The following DENND6A variants were observed in gnomAD, a reference collection of about 807,000 sequenced individuals.
DENND6A encodes the protein protein DENND6A.
DENND6A carries 43 observed loss-of-function variants against 95.5 expected under a neutral mutation model. The observed-to-expected ratio is 0.45, with a 90% CI of 0.35 to 0.58. The LOEUF (loss-of-function observed/expected upper bound fraction) is 0.58, where lower values mean the gene tolerates loss of function less well. Among genes scored for constraint, DENND6A ranks in the 20% least tolerant of loss-of-function variants. The pLI, the probability that DENND6A is intolerant of heterozygous loss-of-function variation, is 0.00. For synonymous variants in DENND6A, 257 were observed against 260.4 expected (o/e 0.99, Z 0.13); for missense variants, 574 against 736.0 (o/e 0.78, Z 2.55).
chr3:57,660,833 T>C lies in DENND6A; in HGVS notation c.626A>G (p.Asn209Ser). 5 of 1,592,770 alleles carry C rather than the reference T, an allele frequency of 3.1e-6. No individual in the cohort carries two copies. The highest frequency in any genetic ancestry group is 4.3e-6 in the Non-Finnish European group (5 of 1,171,984). ...TGGGGCAGGCCATCGATCAACATCATTACAAGCTGAAAAATATAATAAAAT... is the reference window on the plus strand; with the variant it reads ...TGGGGCAGGCCATCGATCAACATCACTACAAGCTGAAAAATATAATAAAAT... ...KNEPYLEAACNDVDRWPAPVP... is the reference protein window; with the variant it reads ...KNEPYLEAACSDVDRWPAPVP... The change falls in exon 7 of 20, where the codon AAT becomes AGT. Residue 209 changes from asparagine (N) to serine (S), a missense_variant. Transcript: ENST00000311128.
intron 12 of DENND6A, among the ~76,000 whole-genome samples, chr3:57,639,590 G>T (rs2070879484): frequency 6.6e-6 from 1 of 152,116 alleles, no homozygotes; most frequent in African/African-American, 2.4e-5. Flanking sequence ...AGCAACTGTT[G>T]TTCTCTGTAT....
In DENND6A at chr3:57,692,911, TCCCGCCGCCACAAGGGCCGGCGC is replaced by T. The variant is rs1559837944; in HGVS notation, c.85_107del (p.Ala29ArgfsTer7). ...CCTCTTCATCGTCCTCTGGCGCGCC[TCCCGCCGCCACAAGGGCCGGCGC>T]CTCGCGGCCCTCGGCCCCTGCCACC... On this transcript the variant is annotated frameshift_variant, in exon 1 of 20. Transcript: ENST00000311128. LOFTEE classifies it high-confidence loss of function. The T allele has an allele frequency of 6.5e-7, 1 of 1,548,022 alleles. No individual in the cohort carries two copies. Among genetic ancestry groups the T allele is most frequent in the South Asian group, 1.2e-5 (1 of 83,884 alleles).
chr3:57,678,329 G>A (rs1038921545), intron 1 of DENND6A, among the ~76,000 whole-genome samples: 32 of 152,168 alleles, frequency 2.1e-4, no homozygotes, highest in African/African-American at 7.2e-4. Flanking sequence ...TGAGAAACAC[G>A]TTCTTCAAGA....
At chr3:57,633,042 T>C (rs1189389695) in intron 15 of DENND6A, among the ~76,000 whole-genome samples, 1 of 151,996 alleles carries the variant, frequency 6.6e-6, no homozygotes, top group Non-Finnish European at 1.5e-5. Flanking sequence ...ATTTCACAGG[T>C]GAGAAAATTG....
intron 12 of DENND6A, among the ~76,000 whole-genome samples, chr3:57,636,803 G>T (rs1355614599): frequency 6.6e-6 from 1 of 152,058 alleles, no homozygotes; most frequent in African/African-American, 2.4e-5. Context: ...TGGGCATGGT[G>T]GCACACGCCT....
At chr3:57,644,846 CA>C (rs2071042914) in intron 11 of DENND6A, among the ~76,000 whole-genome samples, 1 of 137,210 alleles carries the variant, frequency 7.3e-6, no homozygotes, top group South Asian at 2.5e-4. Context: ...AAAGGAAAAA[CA>C]GGGCAATGAT....
chr3:57,676,429 G>GA (rs1358089299), intron 1 of DENND6A, among the ~76,000 whole-genome samples: 1 of 125,018 alleles, frequency 8.0e-6, no homozygotes, highest in African/African-American at 2.9e-5. Context: ...AGATGTCTTA[G>GA]AAAAAATCCT....
At chr3:57,691,669 C>CAAAAAAAAAAAAAAAA (rs71091304) in intron 1 of DENND6A, among the ~76,000 whole-genome samples, 1 of 93,596 alleles carries the variant, frequency 1.1e-5, no homozygotes, top group Non-Finnish European at 2.0e-5. Context: ...TCACCAATAC[C>CAAAAAAAAAAAAAAAA]AAAAAAAAAA....
chr3:57,680,463 C>G (rs576539352), intron 1 of DENND6A, among the ~76,000 whole-genome samples: 2 of 152,298 alleles, frequency 1.3e-5, no homozygotes, highest in East Asian at 3.9e-4. Context: ...CTCCACCATG[C>G]AAAGACACTG....
At chr3:57,691,160 A>G (rs369417524) in intron 1 of DENND6A, among the ~76,000 whole-genome samples, 1 of 152,252 alleles carries the variant, frequency 6.6e-6, no homozygotes, top group Non-Finnish European at 1.5e-5. Flanking sequence ...TAAAAACACA[A>G]TCAACTACAA....
intron 18 of DENND6A, among the ~76,000 whole-genome samples, chr3:57,630,053 G>A (rs2153411767): frequency 6.6e-6 from 1 of 152,262 alleles, no homozygotes; most frequent in Admixed American, 6.5e-5. Flanking sequence ...TGAGGTTACT[G>A]AATACAGAGC....
chr3:57,658,852 A>T lies in DENND6A; in HGVS notation c.762+266T>A, dbSNP rs138088683. Among the ~76,000 whole-genome samples, 267 of 152,306 alleles carry T rather than the reference A, an allele frequency of 1.8e-3. 8 individuals carry two copies. The East Asian group carries it at 0.05, about 28-fold the overall frequency. On this transcript the variant is annotated intron_variant, in intron 8 of 19. Transcript: ENST00000311128. ...AGAGGTTCTGCCAGAATCAAAGCTT[A>T]TTGAAAAAAATTCACTTTCCCCTTT... is the stretch of plus-strand genomic sequence containing the variant.
At chr3:57,671,446 T>C (rs991277290) in intron 3 of DENND6A, among the ~76,000 whole-genome samples, 2 of 151,030 alleles carry the variant, frequency 1.3e-5, no homozygotes, top group African/African-American at 4.9e-5. Context: ...GAGAGAATGG[T>C]GTGAACCCGG....
At chr3:57,628,439 A>G (rs1559800805) in intron 19 of DENND6A, 94 bp from the exon 20 acceptor site, 1 of 1,454,968 alleles carries the variant, frequency 6.9e-7, no homozygotes, top group Non-Finnish European at 9.1e-7. Flanking sequence ...AGGTCTAACA[A>G]TTAGATACTT....
chr3:57,638,558 T>C (rs562095975), intron 12 of DENND6A, among the ~76,000 whole-genome samples: 39 of 151,976 alleles, frequency 2.6e-4, no homozygotes, highest in African/African-American at 9.4e-4. Context: ...CTCGGGGAGC[T>C]AAGGCAGGAG....
In DENND6A at chr3:57,657,701, A is replaced by G. The variant is rs1213326046; in HGVS notation, c.797T>C (p.Val266Ala). 5.0e-6 allele frequency: 8 copies of G among 1,585,300 alleles called. No individual in the cohort carries two copies. Among genetic ancestry groups the G allele is most frequent in the Non-Finnish European group, 6.9e-6 (8 of 1,161,000 alleles). Residue 266 changes from valine (V) to alanine (A), a missense_variant, in exon 9 of 20, where the codon GTT becomes GCT. Val to Ala is a moderately conservative substitution (Grantham distance 64). This residue lies in a region of DENND6A where 452 missense variants were observed against 630.9 expected (regional missense o/e 0.72). Coordinates refer to ENST00000311128, the MANE Select transcript of DENND6A (RefSeq NM_152678.3). Reference sequence around the variant, plus strand: ...TTACCTGAAAATATCCACCTCATGAACAGTAGGTAAAATAACAGATATATT... The same window carrying G: ...TTACCTGAAAATATCCACCTCATGAGCAGTAGGTAAAATAACAGATATATT... ...DTNISVILPT[V>A]HEVDIFRCFC...
At chr3:57,680,641 C>T (rs1303200114) in intron 1 of DENND6A, among the ~76,000 whole-genome samples, 1 of 152,074 alleles carries the variant, frequency 6.6e-6, no homozygotes, top group Non-Finnish European at 1.5e-5. Context: ...CAGGCTAAGA[C>T]ACAATTAATA....
At chr3:57,689,678 A>C (rs2077243169) in intron 1 of DENND6A, among the ~76,000 whole-genome samples, 2 of 152,208 alleles carry the variant, frequency 1.3e-5, no homozygotes, top group Non-Finnish European at 2.9e-5. Flanking sequence ...GCCCCAAACC[A>C]GGCCAGATTA....
rs1447454570 is a variant in DENND6A at position 57,661,559 on chromosome 3, A to G, written c.514-8T>C. 99 of 1,559,800 alleles carry G rather than the reference A, an allele frequency of 6.3e-5. No homozygotes were observed. The highest frequency in any genetic ancestry group is 8.2e-5 in the Non-Finnish European group (95 of 1,161,396). ...GCTGATCAAAACCAAGGACTGAGGA[A>G]AAAACAAAAACAATGTTTTAAAAAT... is the stretch of plus-strand genomic sequence containing the variant. On this transcript the variant is annotated splice_region_variant and splice_polypyrimidine_tract_variant and intron_variant, in intron 5 of 19. Coordinates refer to ENST00000311128, the MANE Select transcript of DENND6A (RefSeq NM_152678.3).
Sources: allele counts gnomAD v4.1 joint callset (sites outside exome capture counted in the v4.1 genomes callset), GRCh38; gene constraint gnomAD v4.1.1; regional missense constraint gnomAD v4.1.1; transcripts MANE v1.5; gene names NCBI Gene and HGNC (gene_info 2026-07-23, HGNC 2026-07-21).